Variants in PTPRN2 observed in about 807,000 individuals in gnomAD.
The protein encoded by PTPRN2 is protein tyrosine phosphatase receptor type N2, also known as receptor-type tyrosine-protein phosphatase N2.
In PTPRN2, 74 loss-of-function variants were observed where a neutral mutation model predicts 118.8. That is an observed-to-expected ratio of 0.62 (90% CI 0.52 to 0.76). The LOEUF is 0.76. Among genes scored for constraint, PTPRN2 ranks in the 30% least tolerant of loss-of-function variants. PTPRN2 has a pLI of 0.00. For synonymous variants in PTPRN2, 641 were observed against 608.0 expected, an observed-to-expected ratio of 1.05 and a Z score of -0.80; for missense variants, 1,481 against 1,394.4, an observed-to-expected ratio of 1.06 and a Z score of -0.99.
chr7:158,451,050 G>C (rs1393511151), intron 2 of PTPRN2, among the ~76,000 whole-genome samples: 2 of 152,212 alleles, frequency 1.3e-5, no homozygotes, highest in African/African-American at 4.8e-5. Flanking sequence ...TCTAGTAGGG[G>C]AGCTGCTGAA....
At chr7:158,309,700 C>T (rs1801556140) in intron 3 of PTPRN2, among the ~76,000 whole-genome samples, 3 of 152,176 alleles carry the variant, frequency 2.0e-5, no homozygotes, top group Admixed American at 2.0e-4. Flanking sequence ...AATTATACAG[C>T]ATGGTCAAGT....
Position 158,509,761 on chromosome 7 carries a change from C to T in PTPRN2, c.113-19976G>A, listed in dbSNP as rs576663123. 9.8e-5 allele frequency among the ~76,000 whole-genome samples: 15 copies of T among 152,292 alleles called. 1 individual carries two copies. The highest frequency in any genetic ancestry group is 9.2e-4 in the Admixed American group (14 of 15,294). ...TCCTTTGCCCAGGCCTGAGGCCACA[C>T]GGGCAGAGTGGCAGTGGAGGGCTGG... is the stretch of plus-strand genomic sequence containing the variant. On this transcript the variant is annotated intron_variant, in intron 1 of 22. Transcript: ENST00000389418. This position sits in a 1 kb window ranked among gnomAD's most constrained non-coding sequence, Gnocchi z 4.4.
In PTPRN2 at chr7:157,847,942, C is replaced by T. The variant is rs113752868; in HGVS notation, c.1788+50731G>A. Among the ~76,000 whole-genome samples the T allele has an allele frequency of 3.0e-3, 458 of 150,900 alleles. 3 individuals are homozygous for T. Among genetic ancestry groups the T allele is most frequent in the African/African-American group, 0.011 (452 of 40,806 alleles). The stretch of plus-strand genomic sequence containing the variant: ...CATGTGTGCCCGATGTCTACAGAGC[C>T]CTCTCTCACTCCATCATGTATGCCC... On this transcript the variant is annotated intron_variant, in intron 12 of 22. Coordinates refer to ENST00000389418, the MANE Select transcript of PTPRN2 (RefSeq NM_002847.5).
At chr7:157,697,572 G>T (rs1797856513) in intron 12 of PTPRN2, among the ~76,000 whole-genome samples, 1 of 138,266 alleles carries the variant, frequency 7.2e-6, no homozygotes, top group Admixed American at 7.1e-5. Context: ...ATGCATACTG[G>T]GTCTTGGCAG....
intron 6 of PTPRN2, among the ~76,000 whole-genome samples, chr7:158,156,523 G>A (rs112326910): frequency 3.9e-5 from 6 of 152,360 alleles, no homozygotes; most frequent in Admixed American, 1.3e-4. Flanking sequence ...GCCGACATCT[G>A]CAGAAACGCC....
chr7:157,639,649 G>C (rs946636859), intron 14 of PTPRN2, among the ~76,000 whole-genome samples: 7 of 152,256 alleles, frequency 4.6e-5, no homozygotes, highest in Admixed American at 2.6e-4. Flanking sequence ...TGGAAGGCAG[G>C]CGACAGGATT....
intron 14 of PTPRN2, among the ~76,000 whole-genome samples, chr7:157,623,271 G>A (rs1003830724): frequency 1.3e-5 from 2 of 152,188 alleles, no homozygotes; most frequent in Non-Finnish European, 2.9e-5. Flanking sequence ...AGGGAAGCTG[G>A]GAGGTTGATA....
intron 12 of PTPRN2, among the ~76,000 whole-genome samples, chr7:157,713,449 G>A (rs1222303358): frequency 2.0e-5 from 3 of 151,884 alleles, no homozygotes; most frequent in South Asian, 2.1e-4. Flanking sequence ...CGGCATGATC[G>A]TTCCAAGTCT....
chr7:157,921,823 A>G lies in PTPRN2; in HGVS notation c.1724-23086T>C, dbSNP rs77826257. On this transcript the variant is annotated intron_variant, in intron 11 of 22. Transcript: ENST00000389418. ...CTGTCTCAGGAATTTTATTATAGCA[A>G]CAAAAATCCACCTAAGAGAACAGCA... Among the ~76,000 whole-genome samples, 1,704 of 152,320 alleles carry G rather than the reference A, an allele frequency of 0.011. 144 individuals carry two copies. The East Asian group carries it at 0.23, about 21-fold the overall frequency.
chr7:157,752,834 G>T (rs1585382490), intron 12 of PTPRN2, among the ~76,000 whole-genome samples: 2 of 152,378 alleles, frequency 1.3e-5, no homozygotes, highest in East Asian at 3.9e-4. Context: ...GATGGCGAGG[G>T]CCGCCAAGAC....
intron 13 of PTPRN2, among the ~76,000 whole-genome samples, chr7:157,665,955 C>T (rs371137273): frequency 1.7e-4 from 26 of 152,216 alleles, no homozygotes; most frequent in East Asian, 1.2e-3. Context: ...GGACACAAGG[C>T]GGGGACCATC....
At chr7:157,768,284 G>A (rs1482818754) in intron 12 of PTPRN2, among the ~76,000 whole-genome samples, 3 of 152,150 alleles carry the variant, frequency 2.0e-5, no homozygotes, top group African/African-American at 7.2e-5. Flanking sequence ...TACAGTCAAC[G>A]GATCGTCCTC....
At chr7:158,325,505 C>T (rs936591381) in intron 2 of PTPRN2, among the ~76,000 whole-genome samples, 1 of 152,170 alleles carries the variant, frequency 6.6e-6, no homozygotes, top group Non-Finnish European at 1.5e-5. Flanking sequence ...CCACAATGCG[C>T]ATACCTATTC....
chr7:158,227,735 T>C (rs1828902942), intron 3 of PTPRN2, among the ~76,000 whole-genome samples: 1 of 151,182 alleles, frequency 6.6e-6, no homozygotes, highest in Non-Finnish European at 1.5e-5. Context: ...GATGATCCCA[T>C]GCAGGAAGCC....
rs532719074 is a variant in PTPRN2 at position 158,136,411 on chromosome 7, C to T, written c.1173+244G>A. Among the ~76,000 whole-genome samples the T allele has an allele frequency of 1.3e-4, 20 of 152,216 alleles. No individual in the cohort carries two copies. In the South Asian group the frequency reaches 2.5e-3, roughly 19 times the overall value. On this transcript the variant is annotated intron_variant, in intron 8 of 22. Coordinates refer to ENST00000389418, the MANE Select transcript of PTPRN2 (RefSeq NM_002847.5). ...TTAATTTTCTTCTTTGCATTTACCACGACTTTCATATTTCTACCATGGATA... is the reference window on the plus strand; with the variant it reads ...TTAATTTTCTTCTTTGCATTTACCATGACTTTCATATTTCTACCATGGATA...
intron 5 of PTPRN2, among the ~76,000 whole-genome samples, chr7:158,184,576 T>C (rs1824982538): frequency 6.6e-6 from 1 of 152,164 alleles, no homozygotes; most frequent in African/African-American, 2.4e-5. Context: ...ATCTTCAATG[T>C]GACAGGCAGT....
chr7:158,517,982 C>T lies in PTPRN2; in HGVS notation c.113-28197G>A, dbSNP rs1823693033. 6.6e-6 allele frequency among the ~76,000 whole-genome samples: 1 copy of T among 152,252 alleles called. No individual in the cohort carries two copies. Among genetic ancestry groups the T allele is most frequent in the Non-Finnish European group, 1.5e-5 (1 of 68,048 alleles). Reference sequence around the variant, plus strand: ...TCCAAGAGGGCTCCCTAATTCCTGACCGGGCGGGGCACCCCTGCAACATTC... The same window carrying T: ...TCCAAGAGGGCTCCCTAATTCCTGATCGGGCGGGGCACCCCTGCAACATTC... On this transcript the variant is annotated intron_variant, in intron 1 of 22. Transcript: ENST00000389418. The surrounding 1 kb of genome is among the most constrained non-coding windows in gnomAD (Gnocchi z 5.3).
intron 11 of PTPRN2, among the ~76,000 whole-genome samples, chr7:157,976,097 C>A (rs1228715036): frequency 1.3e-5 from 2 of 152,242 alleles, no homozygotes; most frequent in East Asian, 3.9e-4. Flanking sequence ...GAGCTGGAAG[C>A]AAAAGCCACC....
chr7:158,152,645 C>T (rs529300457), intron 6 of PTPRN2, among the ~76,000 whole-genome samples: 4 of 152,194 alleles, frequency 2.6e-5, no homozygotes, highest in African/African-American at 9.6e-5. Flanking sequence ...CTGCCTTCAC[C>T]ACCAAATGCT....
Sources: allele counts gnomAD v4.1 joint callset (sites outside exome capture counted in the v4.1 genomes callset), GRCh38; gene constraint gnomAD v4.1.1; non-coding constraint Gnocchi (gnomAD v3.1); transcripts MANE v1.5; gene names NCBI Gene and HGNC (gene_info 2026-07-23, HGNC 2026-07-21).